CNTNAP2: variants seen among roughly 807,000 people sequenced by gnomAD.
The protein encoded by CNTNAP2 is contactin-associated protein-like 2.
CNTNAP2 carries 98 observed loss-of-function variants against 155.2 expected under a neutral mutation model. The ratio of observed to expected loss-of-function variants is 0.63; its 90% CI spans 0.54 to 0.75. The LOEUF (loss-of-function observed/expected upper bound fraction) is 0.75, where lower values mean the gene tolerates loss of function less well. Among genes scored for constraint, CNTNAP2 ranks in the 30% least tolerant of loss-of-function variants. The pLI is 0.00. For synonymous variants in CNTNAP2, 651 were observed against 631.2 expected (o/e 1.03, Z -0.47); for missense variants, 1,727 against 1,688.1 (o/e 1.02, Z -0.40).
chr7:147,007,217 A>C (rs551980735), intron 3 of CNTNAP2, among the ~76,000 whole-genome samples: 2 of 152,196 alleles, frequency 1.3e-5, no homozygotes, highest in African/African-American at 4.8e-5. Context: ...TATTGAAGTG[A>C]TTTTTCTGCT....
chr7:146,603,658 C>A (rs969008013), intron 1 of CNTNAP2, among the ~76,000 whole-genome samples: 1 of 151,000 alleles, frequency 6.6e-6, no homozygotes, highest in South Asian at 2.1e-4. Context: ...AATCACACTA[C>A]CTGACTTCAA....
At chr7:147,084,855 CAT>C (rs1800238700) in intron 4 of CNTNAP2, among the ~76,000 whole-genome samples, 2 of 148,688 alleles carry the variant, frequency 1.3e-5, no homozygotes, top group African/African-American at 4.9e-5. Context: ...TAGGCACACA[CAT>C]ATAGTGTTTG....
At chr7:146,224,748 G>C (rs1217532768) in intron 1 of CNTNAP2, among the ~76,000 whole-genome samples, 1 of 152,132 alleles carries the variant, frequency 6.6e-6, no homozygotes, top group Non-Finnish European at 1.5e-5. Context: ...CAGCCTGGGT[G>C]ACAGAGCGAA....
chr7:148,258,043 T>C (rs1389732789), intron 20 of CNTNAP2, among the ~76,000 whole-genome samples: 1 of 152,194 alleles, frequency 6.6e-6, no homozygotes, highest in African/African-American at 2.4e-5. Context: ...TCACAGGCCC[T>C]TTTCATGTGG....
intron 5 of CNTNAP2, among the ~76,000 whole-genome samples, chr7:147,119,785 G>A (rs1801065926): frequency 6.6e-6 from 1 of 151,208 alleles, no homozygotes; most frequent in Admixed American, 6.6e-5. Flanking sequence ...AGAAGGAAAG[G>A]AAGGAAGGAA....
intron 9 of CNTNAP2, among the ~76,000 whole-genome samples, chr7:147,347,441 CATATATATATATATGCATATAT>C (rs1795888739): frequency 3.5e-5 from 2 of 56,570 alleles, no homozygotes; most frequent in African/African-American, 9.4e-5. Context: ...TATATATATG[CATATATATATATATGCATATAT>C]ATATATATAT....
intron 14 of CNTNAP2, among the ~76,000 whole-genome samples, chr7:147,967,701 C>T (rs182398388): frequency 6.6e-6 from 1 of 152,238 alleles, no homozygotes; most frequent in East Asian, 1.9e-4. Flanking sequence ...AAAGTCTTGT[C>T]CTCAAAGGGC....
At chr7:148,406,294 G>C (rs938766633) in intron 22 of CNTNAP2, among the ~76,000 whole-genome samples, 1 of 152,128 alleles carries the variant, frequency 6.6e-6, no homozygotes, top group Non-Finnish European at 1.5e-5. Context: ...AAAGAAAAAG[G>C]AGGTCAGGAA....
chr7:147,055,717 C>T (rs1009960549), intron 4 of CNTNAP2, among the ~76,000 whole-genome samples: 1 of 152,124 alleles, frequency 6.6e-6, no homozygotes, highest in African/African-American at 2.4e-5. Context: ...TGGTCTTCCC[C>T]CTGGTTCCCA....
At chr7:148,290,077 T>C (rs983711076) in intron 21 of CNTNAP2, among the ~76,000 whole-genome samples, 1 of 152,198 alleles carries the variant, frequency 6.6e-6, no homozygotes, top group African/African-American at 2.4e-5. Flanking sequence ...TTTTCTCAAT[T>C]GATAGAAAAG....
intron 8 of CNTNAP2, among the ~76,000 whole-genome samples, chr7:147,221,569 G>A (rs889861270): frequency 3.3e-5 from 5 of 152,170 alleles, no homozygotes; most frequent in Non-Finnish European, 7.4e-5. Context: ...GACCCGAGAA[G>A]GTGAAGCCCT....
chr7:146,752,928 T>C (rs1335866049), intron 1 of CNTNAP2, among the ~76,000 whole-genome samples: 2 of 152,156 alleles, frequency 1.3e-5, no homozygotes, highest in Non-Finnish European at 2.9e-5. Flanking sequence ...ATGTTAAAGG[T>C]TGAACCTTAA....
At chr7:147,543,190 C>T (rs1396551878) in intron 11 of CNTNAP2, among the ~76,000 whole-genome samples, 1 of 152,198 alleles carries the variant, frequency 6.6e-6, no homozygotes, top group Non-Finnish European at 1.5e-5. Flanking sequence ...TCATGGGAAA[C>T]AAAGGGATGG....
intron 9 of CNTNAP2, among the ~76,000 whole-genome samples, chr7:147,311,832 T>C (rs1795133509): frequency 6.6e-6 from 1 of 152,148 alleles, no homozygotes; most frequent in Non-Finnish European, 1.5e-5. Context: ...TCAAGTAATA[T>C]TCTTATATGT....
At chr7:146,753,370 TAA>T (rs74617145) in intron 1 of CNTNAP2, among the ~76,000 whole-genome samples, 2 of 149,748 alleles carry the variant, frequency 1.3e-5, no homozygotes, top group African/African-American at 4.9e-5. Context: ...TCCATGTAAT[TAA>T]AAAAAAAATG....
Position 147,899,276 on chromosome 7 carries a change from G to T in CNTNAP2, c.2099-4289G>T, listed in dbSNP as rs1352266027. Among the ~76,000 whole-genome samples, 3 of 152,266 alleles carry T rather than the reference G, an allele frequency of 2.0e-5. No homozygotes were observed. The South Asian group carries it at 6.2e-4, about 32-fold the overall frequency. On this transcript the variant is annotated intron_variant, in intron 13 of 23. Transcript: ENST00000361727. ...GATGGCTTGAGTCCAGGAGGTCAAG[G>T]CTGCAGTGAGTTATGATTGCTCCAC...
chr7:146,285,715 C>G (rs1584848183), intron 1 of CNTNAP2, among the ~76,000 whole-genome samples: 1 of 51,560 alleles, frequency 1.9e-5, no homozygotes, highest in African/African-American at 9.0e-5. Flanking sequence ...CCTCCCCTCC[C>G]CTCCCCTCCC....
intron 1 of CNTNAP2, among the ~76,000 whole-genome samples, chr7:146,438,247 T>G (rs1201901394): frequency 2.7e-5 from 4 of 150,492 alleles, no homozygotes; most frequent in African/African-American, 1.0e-4. Flanking sequence ...CTCAAACTGT[T>G]TCTGTCACAT....
chr7:147,531,088 G>A (rs565722651), intron 11 of CNTNAP2, among the ~76,000 whole-genome samples: 3 of 152,300 alleles, frequency 2.0e-5, no homozygotes, highest in Non-Finnish European at 4.4e-5. Flanking sequence ...TGCAAGGGGT[G>A]GGTTCCCATG....
Sources: gnomAD v4.1 joint callset for allele counts (sites outside exome capture counted in the v4.1 genomes callset) on GRCh38, gnomAD v4.1.1 for gene constraint, MANE v1.5 for transcripts, NCBI Gene and HGNC (gene_info 2026-07-23, HGNC 2026-07-21) for gene names.